Variants in DENND1A observed in about 807,000 individuals in gnomAD.
The protein encoded by DENND1A is DENN domain containing 1A.
A neutral mutation model predicts 113.7 loss-of-function variants in DENND1A; 51 were observed. The observed-to-expected ratio is 0.45, with a 90% CI of 0.36 to 0.57. DENND1A has a LOEUF of 0.57. Among genes scored for constraint, DENND1A ranks in the 20% least tolerant of loss-of-function variants. DENND1A has a pLI of 0.00. For synonymous variants in DENND1A, 565 were observed against 570.8 expected (o/e 0.99, Z 0.14); for missense variants, 1,258 against 1,395.9 (o/e 0.90, Z 1.57).
intron 2 of DENND1A, among the ~76,000 whole-genome samples, chr9:123,805,989 T>C (rs1207927253): frequency 2.6e-5 from 4 of 152,226 alleles, no homozygotes; most frequent in Non-Finnish European, 5.9e-5. Context: ...AGTCTCGCTC[T>C]ATCACCCAGG....
At chr9:123,689,645 C>T (rs2065038560) in intron 5 of DENND1A, among the ~76,000 whole-genome samples, 1 of 152,034 alleles carries the variant, frequency 6.6e-6, no homozygotes, top group African/African-American at 2.4e-5. Context: ...TATTTTTAAT[C>T]ATATGGGAAA....
In DENND1A at chr9:123,509,569, C is replaced by T. The variant is rs528612884; in HGVS notation, c.993+48001G>A. Among the ~76,000 whole-genome samples, 9 of 152,310 alleles carry T rather than the reference C, an allele frequency of 5.9e-5. No homozygotes were observed. The South Asian group carries it at 1.9e-3, about 32-fold the overall frequency. On this transcript the variant is annotated intron_variant, in intron 13 of 23. Coordinates refer to ENST00000394215, the MANE Select transcript of DENND1A (RefSeq NM_001352964.2). ...AGATGGATGGCACATCCCCAGTGAA[C>T]ATGCAAGAAAGGTCACTTGCATTTT...
intron 6 of DENND1A, among the ~76,000 whole-genome samples, chr9:123,671,714 G>C (rs2063773265): frequency 6.6e-6 from 1 of 152,070 alleles, no homozygotes; most frequent in Non-Finnish European, 1.5e-5. Flanking sequence ...TTACAGGGCG[G>C]GGGTGGTTAG....
At chr9:123,765,258 G>A (rs186954502) in intron 4 of DENND1A, among the ~76,000 whole-genome samples, 1 of 152,138 alleles carries the variant, frequency 6.6e-6, no homozygotes, top group Non-Finnish European at 1.5e-5. Flanking sequence ...ACAAATGAGG[G>A]TTCTGCAAGC....
At chr9:123,489,099 C>T (rs545301722) in intron 13 of DENND1A, among the ~76,000 whole-genome samples, 1 of 152,316 alleles carries the variant, frequency 6.6e-6, no homozygotes, top group East Asian at 1.9e-4. Context: ...CACATCCACA[C>T]ACCTCAGACA....
chr9:123,629,195 TG>T (rs1363220331), intron 10 of DENND1A, among the ~76,000 whole-genome samples: 1 of 152,204 alleles, frequency 6.6e-6, no homozygotes, highest in African/African-American at 2.4e-5. Context: ...TCCGAACCAG[TG>T]GTCAGTGTCC....
chr9:123,466,951 T>A (rs922782512), intron 13 of DENND1A, among the ~76,000 whole-genome samples: 5 of 151,492 alleles, frequency 3.3e-5, no homozygotes, highest in Admixed American at 6.6e-5. Flanking sequence ...CTCAGGACGC[T>A]GAGGCAGGAA....
chr9:123,649,395 T>C (rs543583824), intron 9 of DENND1A, among the ~76,000 whole-genome samples: 18 of 152,318 alleles, frequency 1.2e-4, no homozygotes, highest in Middle Eastern at 3.4e-3. Context: ...CTAATTTTTC[T>C]TTCTTGTGCA....
rs201942010 is a variant in DENND1A at position 123,381,491 on chromosome 9, G to A, written c.3154C>T (p.Leu1052=). Residue 1052 remains leucine, a synonymous_variant, in exon 24 of 24, where the codon CTG becomes TTG. Transcript: ENST00000394215. The surrounding 1 kb of genome is among the most constrained non-coding windows in gnomAD (Gnocchi z 4.7). ...TCCACCGAGTCTGGGGCCGGGGCCA[G>A]GGCCGGACTCGGGCTCACGTCTTGC... ...TKQDVSPSPA[L]APAPDSVEQL... The A allele has an allele frequency of 6.7e-5, 108 of 1,613,688 alleles. 3 individuals carry two copies. The highest frequency in any genetic ancestry group is 8.5e-7 in the Non-Finnish European group (1 of 1,179,990).
At chr9:123,717,855 G>A (rs181269115) in intron 5 of DENND1A, among the ~76,000 whole-genome samples, 1 of 152,272 alleles carries the variant, frequency 6.6e-6, no homozygotes, top group Admixed American at 6.5e-5. Context: ...AGTTGGAATA[G>A]CCCCCTATCC....
intron 2 of DENND1A, among the ~76,000 whole-genome samples, chr9:123,814,937 T>C (rs1837210980): frequency 6.6e-6 from 1 of 152,252 alleles, no homozygotes; most frequent in African/African-American, 2.4e-5. Context: ...CATTGAATGA[T>C]AGTTTTGAGA....
chr9:123,483,539 C>T (rs2050530450), intron 13 of DENND1A, among the ~76,000 whole-genome samples: 1 of 152,258 alleles, frequency 6.6e-6, no homozygotes, highest in Non-Finnish European at 1.5e-5. Context: ...CTGGGTTCCC[C>T]AGCTCTGGGC....
At chr9:123,697,160 G>T (rs1230518588) in intron 5 of DENND1A, among the ~76,000 whole-genome samples, 1 of 152,034 alleles carries the variant, frequency 6.6e-6, no homozygotes. Flanking sequence ...AGGAGAAAAG[G>T]GAAAAAATTA....
intron 5 of DENND1A, among the ~76,000 whole-genome samples, chr9:123,711,042 AC>A (rs2066550273): frequency 6.6e-6 from 1 of 152,204 alleles, no homozygotes; most frequent in Non-Finnish European, 1.5e-5. Flanking sequence ...GAATATTTAC[AC>A]AAAAAGGAGT....
intron 9 of DENND1A, among the ~76,000 whole-genome samples, chr9:123,631,337 A>G (rs959771728): frequency 6.6e-6 from 1 of 152,148 alleles, no homozygotes; most frequent in Non-Finnish European, 1.5e-5. Context: ...ATGTTTCTTC[A>G]CTATATTTAT....
At chr9:123,656,982 C>T (rs1474179820) in intron 8 of DENND1A, among the ~76,000 whole-genome samples, 2 of 152,192 alleles carry the variant, frequency 1.3e-5, no homozygotes, top group African/African-American at 2.4e-5. Context: ...TGTGCCTCTC[C>T]ACCTAGCATC....
At chr9:123,536,541 T>C (rs1219140352) in intron 13 of DENND1A, among the ~76,000 whole-genome samples, 3 of 151,562 alleles carry the variant, frequency 2.0e-5, no homozygotes, top group African/African-American at 7.3e-5. Flanking sequence ...TGAGAACAGC[T>C]TCTACAAGTG....
chr9:123,463,921 A>AAT (rs2048732117), intron 13 of DENND1A, among the ~76,000 whole-genome samples: 1 of 150,076 alleles, frequency 6.7e-6, no homozygotes, highest in Non-Finnish European at 1.5e-5. Flanking sequence ...AAAAAAAAAA[A>AAT]AATTAAAAAT....
chr9:123,403,630 T>C, intron 20 of DENND1A, 140 bp from the exon 21 acceptor site: 1 of 708,476 alleles, frequency 1.4e-6, no homozygotes, highest in Non-Finnish European at 2.4e-6. Flanking sequence ...AAGCCCAGCC[T>C]ATCACAGAAA....
Sources: gnomAD v4.1 joint callset for allele counts (sites outside exome capture counted in the v4.1 genomes callset) on GRCh38, gnomAD v4.1.1 for gene constraint, Gnocchi (gnomAD v3.1) non-coding constraint, MANE v1.5 for transcripts, NCBI Gene and HGNC (gene_info 2026-07-23, HGNC 2026-07-21) for gene names.